The following GABRB1 variants were observed in gnomAD, a reference collection of about 807,000 sequenced individuals.
GABRB1 encodes gamma-aminobutyric acid type A receptor subunit beta1.
A neutral mutation model predicts 51.6 loss-of-function variants in GABRB1; 17 were observed. That is an observed-to-expected ratio of 0.33 (90% CI 0.23 to 0.49). The LOEUF (loss-of-function observed/expected upper bound fraction) is 0.49. Among genes scored for constraint, GABRB1 ranks in the 20% least tolerant of loss-of-function variants. The pLI, the probability that GABRB1 is intolerant of heterozygous loss-of-function variation, is 0.99. For missense variants in GABRB1, 410 were observed against 600.6 expected (o/e 0.68, Z 3.32); for synonymous variants, 247 against 218.9 (o/e 1.13, Z -1.14).
At chr4:47,404,344 A>G (rs1728496907) in intron 7 of GABRB1, among the ~76,000 whole-genome samples, 1 of 152,134 alleles carries the variant, frequency 6.6e-6, no homozygotes, top group Admixed American at 6.6e-5. Context: ...CTGACAGGCT[A>G]TATTTGAGAC....
intron 4 of GABRB1, among the ~76,000 whole-genome samples, chr4:47,299,065 T>C (rs1724137061): frequency 6.6e-6 from 1 of 151,196 alleles, no homozygotes; most frequent in Non-Finnish European, 1.5e-5. Context: ...GATCCCTTCC[T>C]TACACCTTAT....
At chr4:47,043,072 C>T (rs78969293) in intron 3 of GABRB1, 134 of 152,256 alleles carry the variant, frequency 8.8e-4, no homozygotes, top group African/African-American at 3.0e-3. Context: ...CCTCCCCTGC[C>T]CCCATTTAGC....
At chr4:47,001,428 C>T (rs188704218) in intron 1 of GABRB1, among the ~76,000 whole-genome samples, 45 of 152,284 alleles carry the variant, frequency 3.0e-4, no homozygotes, top group African/African-American at 1.0e-3. Context: ...AGGTGTGAGC[C>T]ACCATGCCCG....
intron 4 of GABRB1, among the ~76,000 whole-genome samples, chr4:47,245,828 T>TTTC (rs1721716323): frequency 7.3e-6 from 1 of 136,260 alleles, no homozygotes; most frequent in African/African-American, 2.7e-5. Context: ...TCTTTCTTTC[T>TTTC]TTTTTTTTTT....
intron 5 of GABRB1, among the ~76,000 whole-genome samples, chr4:47,322,585 A>G (rs1278103784): frequency 6.6e-6 from 1 of 152,190 alleles, no homozygotes; most frequent in African/African-American, 2.4e-5. Flanking sequence ...CAGGGCAAAA[A>G]AAGTAATGGA....
intron 3 of GABRB1, among the ~76,000 whole-genome samples, chr4:47,080,533 A>T (rs1342628161): frequency 6.6e-6 from 1 of 152,198 alleles, no homozygotes; most frequent in African/African-American, 2.4e-5. Context: ...CGTCCATGTA[A>T]TCTGTCCTAA....
intron 3 of GABRB1, among the ~76,000 whole-genome samples, chr4:47,123,977 G>GCA (rs34476294): frequency 0.016 from 1,797 of 112,948 alleles, 41 homozygotes; most frequent in African/African-American, 0.058. Context: ...ATGCACACAT[G>GCA]CACACACACA....
chr4:47,365,707 G>GTATT (rs1726957243), intron 5 of GABRB1, among the ~76,000 whole-genome samples: 1 of 152,104 alleles, frequency 6.6e-6, no homozygotes, highest in South Asian at 2.1e-4. Context: ...TGAGATCAAG[G>GTATT]TATTTATTCC....
At chr4:47,363,384 G>T (rs1337076487) in intron 5 of GABRB1, among the ~76,000 whole-genome samples, 1 of 152,084 alleles carries the variant, frequency 6.6e-6, no homozygotes, top group African/African-American at 2.4e-5. Context: ...GCCAAATTTT[G>T]TATGTGTCGG....
At chr4:47,105,793 T>C (rs1351271791) in intron 3 of GABRB1, among the ~76,000 whole-genome samples, 1 of 152,094 alleles carries the variant, frequency 6.6e-6, no homozygotes, top group South Asian at 2.1e-4. Context: ...CTGCCCCCAA[T>C]ATTCCTCATA....
chr4:47,111,871 C>T (rs935024065), intron 3 of GABRB1, among the ~76,000 whole-genome samples: 8 of 151,798 alleles, frequency 5.3e-5, no homozygotes, highest in African/African-American at 1.5e-4. Flanking sequence ...ATGCAACAAT[C>T]GTAATGTATA....
chr4:47,145,116 A>G (rs550283097), intron 3 of GABRB1, among the ~76,000 whole-genome samples: 1 of 152,128 alleles, frequency 6.6e-6, no homozygotes, highest in South Asian at 2.1e-4. Flanking sequence ...AATGTTAAGG[A>G]AATATTGAGT....
intron 1 of GABRB1, among the ~76,000 whole-genome samples, chr4:46,997,001 A>G (rs1391821483): frequency 6.6e-6 from 1 of 152,148 alleles, no homozygotes; most frequent in Non-Finnish European, 1.5e-5. Flanking sequence ...AGAATTTAGA[A>G]GCTATTGACA....
intron 8 of GABRB1, among the ~76,000 whole-genome samples, chr4:47,410,682 A>C (rs1438841587): frequency 6.6e-6 from 1 of 152,216 alleles, no homozygotes; most frequent in Non-Finnish European, 1.5e-5. Context: ...GGAGCACAGA[A>C]AGAAAAAATA....
At chr4:47,085,783 GA>G in intron 3 of GABRB1, among the ~76,000 whole-genome samples, 2 of 152,268 alleles carry the variant, frequency 1.3e-5, no homozygotes, top group Admixed American at 1.3e-4. Flanking sequence ...ACTCAACTGG[GA>G]AAAGCTTTGT....
intron 3 of GABRB1, among the ~76,000 whole-genome samples, chr4:47,056,241 A>G (rs1356057507): frequency 1.3e-5 from 2 of 152,202 alleles, no homozygotes; most frequent in East Asian, 1.9e-4. Context: ...AATATGTCTC[A>G]TTTTTTTCTG....
intron 4 of GABRB1, among the ~76,000 whole-genome samples, chr4:47,284,061 G>T (rs1723407869): frequency 7.4e-6 from 1 of 136,020 alleles, no homozygotes; most frequent in Non-Finnish European, 1.5e-5. Flanking sequence ...CAGCGCCACT[G>T]CACTCCAGCC....
At chr4:47,086,650 T>G (rs1728089703) in intron 3 of GABRB1, among the ~76,000 whole-genome samples, 1 of 152,112 alleles carries the variant, frequency 6.6e-6, no homozygotes, top group Admixed American at 6.6e-5. Context: ...ATAGTGCAGG[T>G]TTATGGAAGG....
At chr4:47,322,922 T>A (rs972570448) in intron 5 of GABRB1, among the ~76,000 whole-genome samples, 3 of 151,988 alleles carry the variant, frequency 2.0e-5, no homozygotes, top group Non-Finnish European at 4.4e-5. Flanking sequence ...TGAGCTGAGA[T>A]CACGCCACCG....
Sources: gnomAD v4.1 joint callset for allele counts (sites outside exome capture counted in the v4.1 genomes callset) on GRCh38, gnomAD v4.1.1 for gene constraint, MANE v1.5 for transcripts, NCBI Gene and HGNC (gene_info 2026-07-23, HGNC 2026-07-21) for gene names.